NRG1: variants seen among roughly 807,000 people sequenced by gnomAD.
The protein encoded by NRG1 is pro-neuregulin-1, membrane-bound isoform.
Under a neutral mutation model 63.8 loss-of-function variants are expected in NRG1, and 18 were observed. The observed-to-expected ratio is 0.28, with a 90% CI of 0.19 to 0.42. NRG1 has a LOEUF of 0.42. Among genes scored for constraint, NRG1 ranks in the 10% least tolerant of loss-of-function variants. The pLI is 1.00. For synonymous variants in NRG1, 302 were observed against 301.3 expected, an observed-to-expected ratio of 1.00 and a Z score of -0.02; for missense variants, 762 against 814.7, an observed-to-expected ratio of 0.94 and a Z score of 0.79.
At chr8:32,309,759 A>G (rs1856612004) in intron 1 of NRG1, among the ~76,000 whole-genome samples, 1 of 152,234 alleles carries the variant, frequency 6.6e-6, no homozygotes, top group East Asian at 1.9e-4. Context: ...ATACTTTATC[A>G]GCTTACTTTG....
chr8:32,732,416 GT>G (rs1338209664), intron 6 of NRG1, among the ~76,000 whole-genome samples: 1 of 152,032 alleles, frequency 6.6e-6, no homozygotes, highest in East Asian at 1.9e-4. Context: ...AGATGTTGAT[GT>G]GATTTTTTTT....
At chr8:32,069,534 C>A (rs1470814087) in intron 1 of NRG1, among the ~76,000 whole-genome samples, 1 of 152,134 alleles carries the variant, frequency 6.6e-6, no homozygotes, top group Non-Finnish European at 1.5e-5. Flanking sequence ...ATCAAGACTT[C>A]ATGATTGGGA....
intron 1 of NRG1, among the ~76,000 whole-genome samples, chr8:31,677,909 C>T (rs949013596): frequency 6.6e-6 from 1 of 151,954 alleles, no homozygotes; most frequent in East Asian, 1.9e-4. Flanking sequence ...CAAATATTCT[C>T]TTTGGTAAAA....
intron 1 of NRG1, among the ~76,000 whole-genome samples, chr8:31,950,132 G>A (rs767016643): frequency 3.5e-4 from 53 of 152,162 alleles, no homozygotes; most frequent in Non-Finnish European, 4.6e-4. Context: ...TGAATCACTA[G>A]GGGACATGTA....
rs570729342 is a variant in NRG1 at position 32,227,154 on chromosome 8, G to C, written c.38-368674G>C. 3.3e-4 allele frequency among the ~76,000 whole-genome samples: 50 copies of C among 152,236 alleles called. 1 individual carries two copies. Among genetic ancestry groups the C allele is most frequent in the Admixed American group, 2.4e-3 (37 of 15,290 alleles). ...ACATATTTCAAGAATTCCAACTGTG[G>C]GAGTGTTTCACTCACAGGATTGTGC... On this transcript the variant is annotated intron_variant, in intron 1 of 10. Coordinates refer to the NRG1 transcript ENST00000519301.
At chr8:31,759,573 A>G (rs1457026956) in intron 1 of NRG1, among the ~76,000 whole-genome samples, 1 of 152,036 alleles carries the variant, frequency 6.6e-6, no homozygotes, top group Non-Finnish European at 1.5e-5. Flanking sequence ...GATGGACTCC[A>G]TATTTTGTTG....
chr8:32,523,382 G>A (rs1047689729), intron 1 of NRG1, among the ~76,000 whole-genome samples: 7 of 152,020 alleles, frequency 4.6e-5, no homozygotes, highest in Admixed American at 1.3e-4. Flanking sequence ...ATTTTTATTA[G>A]GGAAAATATA....
intron 1 of NRG1, among the ~76,000 whole-genome samples, chr8:31,996,547 C>A (rs1811998746): frequency 6.6e-6 from 1 of 151,808 alleles, no homozygotes; most frequent in South Asian, 2.1e-4. Context: ...GCCTGAGTAA[C>A]AAGTGAGACC....
chr8:32,633,703 T>G (rs766897121), intron 5 of NRG1, among the ~76,000 whole-genome samples: 1 of 152,050 alleles, frequency 6.6e-6, no homozygotes, highest in Non-Finnish European at 1.5e-5. Context: ...CCACTAGAAT[T>G]TAAATATCAC....
intron 1 of NRG1, among the ~76,000 whole-genome samples, chr8:31,807,948 C>CGCGT (rs1554538759): frequency 1.1e-4 from 15 of 137,160 alleles, no homozygotes; most frequent in African/African-American, 3.8e-4. Context: ...AGAGTATTCG[C>CGCGT]GTGTGTGTGT....
chr8:32,625,658 A>G (rs1165384981), intron 5 of NRG1, among the ~76,000 whole-genome samples: 9 of 151,986 alleles, frequency 5.9e-5, no homozygotes, highest in Admixed American at 5.9e-4. Context: ...ATAGATAGGG[A>G]TAGGCCAAGT....
chr8:32,015,561 G>A (rs1473252610), intron 1 of NRG1, among the ~76,000 whole-genome samples: 1 of 152,140 alleles, frequency 6.6e-6, no homozygotes. Context: ...TCCATACACT[G>A]GTGTGTATGT....
intron 1 of NRG1, among the ~76,000 whole-genome samples, chr8:31,974,956 C>T (rs1372474075): frequency 6.6e-6 from 1 of 152,150 alleles, no homozygotes; most frequent in Non-Finnish European, 1.5e-5. Flanking sequence ...TGTCGCAGGG[C>T]ACCTGACAGT....
intron 5 of NRG1, chr8:32,647,974 T>C (rs1854027138): frequency 6.2e-7 from 1 of 1,614,072 alleles, no homozygotes; most frequent in Admixed American, 1.7e-5. Context: ...GCTTGCCTGG[T>C]CAGCCTCTGC....
At chr8:32,069,654 C>T (rs78845883) in intron 1 of NRG1, among the ~76,000 whole-genome samples, 3,688 of 152,074 alleles carry the variant, frequency 0.024, 118 homozygotes, top group African/African-American at 0.071. Context: ...GACTGCACCT[C>T]GGGGTAAGGA....
At chr8:31,845,129 A>ATAAATAAAT (rs1257551619) in intron 1 of NRG1, among the ~76,000 whole-genome samples, 1 of 151,742 alleles carries the variant, frequency 6.6e-6, no homozygotes, top group African/African-American at 2.4e-5. Context: ...AAATAAATAA[A>ATAAATAAAT]TAAATAAATA....
rs1171660572 is a variant in NRG1 at position 32,512,901 on chromosome 8, C to CT, written c.38-82924dup. ...AAGAAATAGAACAATAACCCCATTCCTTTAAAAATAGCATTGCAGTAGCTA... is the reference window on the plus strand; with the variant it reads ...AAGAAATAGAACAATAACCCCATTCCTTTTAAAAATAGCATTGCAGTAGCTA... On this transcript the variant is annotated intron_variant, in intron 1 of 10. Coordinates refer to the NRG1 transcript ENST00000519301. 2.0e-5 allele frequency among the ~76,000 whole-genome samples: 3 copies of CT among 152,066 alleles called. No homozygotes were observed. In the East Asian group the frequency reaches 5.8e-4, roughly 29 times the overall value.
chr8:32,487,486 A>G (rs1336697619), intron 1 of NRG1, among the ~76,000 whole-genome samples: 1 of 152,056 alleles, frequency 6.6e-6, no homozygotes, highest in Non-Finnish European at 1.5e-5. Context: ...CAATAGCCTA[A>G]TTTTCCTCCC....
intron 1 of NRG1, among the ~76,000 whole-genome samples, chr8:31,811,270 G>C (rs1355393692): frequency 6.6e-6 from 1 of 152,176 alleles, no homozygotes; most frequent in African/African-American, 2.4e-5. Flanking sequence ...ATCTGGAGCT[G>C]TTTTAGGGAG....
Sources: gnomAD v4.1 joint callset for allele counts (sites outside exome capture counted in the v4.1 genomes callset) on GRCh38, gnomAD v4.1.1 for gene constraint, MANE v1.5 for transcripts, NCBI Gene and HGNC (gene_info 2026-07-23, HGNC 2026-07-21) for gene names.